S100A11: variants seen among roughly 807,000 people sequenced by gnomAD.
S100A11 encodes the protein S100 calcium binding protein A11.
A neutral mutation model predicts 7.4 loss-of-function variants in S100A11; 5 were observed. The ratio of observed to expected loss-of-function variants is 0.68; its 90% confidence interval spans 0.35 to 1.42. The LOEUF (loss-of-function observed/expected upper bound fraction) is 1.42, where lower values mean the gene tolerates loss of function less well. S100A11 is among the 40% of genes most tolerant of loss of function. The pLI, the probability that S100A11 is intolerant of heterozygous loss-of-function variation, is 0.04. For synonymous variants in S100A11, 47 were observed against 46.6 expected (o/e 1.01, Z -0.04); for missense variants, 96 against 125.0 (o/e 0.77, Z 1.11).
In S100A11 at chr1:152,033,723, C is replaced by A; in HGVS notation, c.81G>T (p.Lys27Asn). 6.2e-7 allele frequency: 1 copy of A among 1,613,246 alleles called. No homozygotes were observed. Among genetic ancestry groups the A allele is most frequent in the Non-Finnish European group, 8.5e-7 (1 of 1,179,220 alleles). ...LIAVFQKYAG[K>N]DGYNYTLSKT... ...TGGAGAGAGTGTAGTTATAACCATC[C>A]TTTCCAGCATACTTCTGGAAGACAG... Residue 27 changes from lysine to asparagine, a missense_variant, in exon 2 of 3, where the codon AAG (lysine) becomes AAT (asparagine). Transcript: ENST00000271638. The surrounding 1 kb of genome is among the most constrained non-coding windows in gnomAD (Gnocchi z 4.0).
At chr1:152,036,818 TAAGTCAAAGATA>T in intron 1 of S100A11, 83 bp downstream of exon 1, 3 of 1,135,492 alleles carry the variant, frequency 2.6e-6, no homozygotes, top group Non-Finnish European at 3.9e-6. Context: ...CGTCCACACA[TAAGTCAAAGATA>T]AAGTCTGCTG....
At chr1:152,032,854 ATCG>A in intron 2 of S100A11, 31 bp from the exon 3 acceptor site, 1 of 1,522,484 alleles carries the variant, frequency 6.6e-7, no homozygotes, top group Non-Finnish European at 9.1e-7. Flanking sequence ...ACACCTTTAT[ATCG>A]CATCTTCTAA....
chr1:152,035,727 A>T (rs1451458616), intron 1 of S100A11, among the ~76,000 whole-genome samples: 1 of 152,170 alleles, frequency 6.6e-6, no homozygotes, highest in Non-Finnish European at 1.5e-5. Context: ...CGCTCTCCAC[A>T]CCTCATGGCA....
intron 2 of S100A11, 34 bp from the exon 3 acceptor site, chr1:152,032,857 G>A (rs370971659): frequency 1.5e-5 from 23 of 1,499,462 alleles, no homozygotes; most frequent in South Asian, 1.1e-4. Flanking sequence ...CCTTTATATC[G>A]CATCTTCTAA....
chr1:152,033,456 A>G lies in S100A11; in HGVS notation c.156+192T>C, dbSNP rs1206100513. Among the ~76,000 whole-genome samples, 6 of 152,232 alleles carry G rather than the reference A, an allele frequency of 3.9e-5. No individual in the cohort carries two copies. The highest frequency in any genetic ancestry group is 1.4e-4 in the African/African-American group (6 of 41,464). On this transcript the variant is annotated intron_variant, in intron 2 of 2. Transcript: ENST00000271638. This position sits in a 1 kb window ranked among gnomAD's most constrained non-coding sequence, Gnocchi z 4.0. Reference sequence around the variant, plus strand: ...TGGGGTAGAATAATGAAATTTGAAAATAATTCCATTACGTCATATACCATT... The same window carrying G: ...TGGGGTAGAATAATGAAATTTGAAAGTAATTCCATTACGTCATATACCATT...
At chr1:152,034,387 C>T (rs915225732) in intron 1 of S100A11, among the ~76,000 whole-genome samples, 1 of 152,192 alleles carries the variant, frequency 6.6e-6, no homozygotes, top group Non-Finnish European at 1.5e-5. Flanking sequence ...AACCATTAAT[C>T]TTAGATGTGA....
chr1:152,034,449 G>A (rs1656795799), intron 1 of S100A11, among the ~76,000 whole-genome samples: 1 of 152,262 alleles, frequency 6.6e-6, no homozygotes, highest in Non-Finnish European at 1.5e-5. Context: ...CCTGGAATCT[G>A]GGCCTCCCAG....
rs1656847417 is a variant in S100A11, at chr1:152,036,969, CTG to C, written c.-56_-55del. 3 of 1,612,286 alleles carry C rather than the reference CTG, an allele frequency of 1.9e-6. No individual in the cohort carries two copies. In the Admixed American group the frequency reaches 5.0e-5, roughly 27 times the overall value. The stretch of plus-strand genomic sequence containing the variant: ...GTGGCTGGGAGCGGCGCTGAGAGCT[CTG>C]TGCGCGCGGCGTGCGGGTCTGGAGC... On this transcript the variant is annotated 5_prime_UTR_variant, in exon 1 of 3. Coordinates refer to ENST00000271638, the MANE Select transcript of S100A11 (RefSeq NM_005620.2).
chr1:152,036,552 T>A (rs1656832880), intron 1 of S100A11, among the ~76,000 whole-genome samples: 1 of 152,106 alleles, frequency 6.6e-6, no homozygotes, highest in Admixed American at 6.5e-5. Flanking sequence ...AACTTGCTCC[T>A]AGGCGTCTCT....
chr1:152,035,359 C>A (rs375979470), intron 1 of S100A11, among the ~76,000 whole-genome samples: 1 of 152,212 alleles, frequency 6.6e-6, no homozygotes, highest in Non-Finnish European at 1.5e-5. Context: ...ACTACAGATT[C>A]TCCCCCTGCC....
Position 152,033,548 on chromosome 1 carries a change from TG to T in S100A11, c.156+99del. On this transcript the variant is annotated intron_variant, in intron 2 of 2. Coordinates refer to ENST00000271638, the MANE Select transcript of S100A11 (RefSeq NM_005620.2). This position sits in a 1 kb window ranked among gnomAD's most constrained non-coding sequence, Gnocchi z 4.0. ...AGTGAGTTAAAATGAAGCAAGAGTGTGGGGTGTCAGTTGCTGCTCCTTCATT... is the reference window on the plus strand; with the variant it reads ...AGTGAGTTAAAATGAAGCAAGAGTGTGGGTGTCAGTTGCTGCTCCTTCATT... The T allele has an allele frequency of 9.3e-7, 1 of 1,070,906 alleles. No homozygotes were observed. The highest frequency in any genetic ancestry group is 1.4e-6 in the Non-Finnish European group (1 of 705,912). The allele number at this position is 1,070,906 out of a possible 1,614,324, so 66.3% of individuals were successfully genotyped here. A position where few individuals can be genotyped will look rare whatever the true frequency, so the allele number is the denominator to read the frequency against.
At position 152,033,821 on chromosome 1, in the gene S100A11, A is replaced by C. The variant is rs1367080137; in HGVS notation, c.4-21T>G. 6.2e-7 allele frequency: 1 copy of C among 1,612,074 alleles called. No homozygotes were observed. Among genetic ancestry groups the C allele is most frequent in the East Asian group, 2.2e-5 (1 of 44,866 alleles). ...TTTGCCTTTGGAGAAAAAAAATTGC[A>C]GGGCTCAGACAAGGGAAGATGTCAA... On this transcript the variant is annotated intron_variant, in intron 1 of 2. Coordinates refer to ENST00000271638, the MANE Select transcript of S100A11 (RefSeq NM_005620.2). This position sits in a 1 kb window ranked among gnomAD's most constrained non-coding sequence, Gnocchi z 4.0.
intron 2 of S100A11, 110 bp from the exon 3 acceptor site, chr1:152,032,933 T>A: frequency 1.2e-6 from 1 of 857,286 alleles, no homozygotes; most frequent in Non-Finnish European, 1.8e-6. Context: ...TAGGGATTAT[T>A]AATATTCCCA....
rs139439332 is a variant in S100A11, at chr1:152,036,911, A to G, written c.3+2T>C. 216 of 1,612,188 alleles carry G rather than the reference A, an allele frequency of 1.3e-4. No homozygotes were observed. The African/African-American group carries it at 2.2e-3, about 17-fold the overall frequency. ...AAGAAGAAGAAGAAAAGTGAGGCTTACCATGTTGGAGCTGAGCGAGGCGCG... is the reference window on the plus strand; with the variant it reads ...AAGAAGAAGAAGAAAAGTGAGGCTTGCCATGTTGGAGCTGAGCGAGGCGCG... On this transcript the variant is annotated splice_donor_variant, in intron 1 of 2. Coordinates refer to ENST00000271638, the MANE Select transcript of S100A11 (RefSeq NM_005620.2). LOFTEE classifies it high-confidence loss of function.
chr1:152,033,846 A>G lies in S100A11; in HGVS notation c.4-46T>C. On this transcript the variant is annotated intron_variant, in intron 1 of 2. Transcript: ENST00000271638. The surrounding 1 kb of genome is among the most constrained non-coding windows in gnomAD (Gnocchi z 4.0). The stretch of plus-strand genomic sequence containing the variant: ...AGGGCTCAGACAAGGGAAGATGTCA[A>G]GGCTGGATACTGGAGAAAACTCCAG... 1 of 1,568,736 alleles carries G rather than the reference A, an allele frequency of 6.4e-7. No homozygotes were observed. Among genetic ancestry groups the G allele is most frequent in the Non-Finnish European group, 8.8e-7 (1 of 1,139,744 alleles).
Position 152,033,873 on chromosome 1 carries a change from G to T in S100A11, c.4-73C>A. ...GCTGGATACTGGAGAAAACTCCAGGGACTCTTATTTCAGGTCAAAGCAGTT... is the reference window on the plus strand; with the variant it reads ...GCTGGATACTGGAGAAAACTCCAGGTACTCTTATTTCAGGTCAAAGCAGTT... On this transcript the variant is annotated intron_variant, in intron 1 of 2. Coordinates refer to ENST00000271638, the MANE Select transcript of S100A11 (RefSeq NM_005620.2). The surrounding 1 kb of genome is among the most constrained non-coding windows in gnomAD (Gnocchi z 4.0). 1.5e-6 allele frequency: 2 copies of T among 1,350,168 alleles called. No individual in the cohort carries two copies. The highest frequency in any genetic ancestry group is 2.1e-6 in the Non-Finnish European group (2 of 946,784). 83.6% of individuals were successfully genotyped at this position (1,350,168 alleles called of 1,614,324 possible).
intron 1 of S100A11, among the ~76,000 whole-genome samples, chr1:152,036,604 C>T (rs1157298561): frequency 6.6e-6 from 1 of 150,558 alleles, no homozygotes; most frequent in Non-Finnish European, 1.5e-5. Context: ...GAGGCAGTGA[C>T]CCACGACGGG....
chr1:152,036,529 G>GC (rs1460715195), intron 1 of S100A11, among the ~76,000 whole-genome samples: 1 of 152,112 alleles, frequency 6.6e-6, no homozygotes, highest in African/African-American at 2.4e-5. Context: ...CAGCTTTCCA[G>GC]CCCCCTGCCT....
rs374884225 is a variant in S100A11 at position 152,033,787 on chromosome 1, C to A, written c.17G>T (p.Ser6Ile). MAKISSPTETERCIES... is the reference protein window; with the variant it reads MAKISIPTETERCIES... ...GATGCACCGCTCAGTCTCTGTAGGG[C>A]TGGAGATTTTTGCCTTTGGAGAAAA... Residue 6 changes from serine (S) to isoleucine (I), a missense_variant, in exon 2 of 3, where the codon AGC (serine) becomes ATC (isoleucine). Transcript: ENST00000271638. This position sits in a 1 kb window ranked among gnomAD's most constrained non-coding sequence, Gnocchi z 4.0. 1 of 1,613,890 alleles carries A rather than the reference C, an allele frequency of 6.2e-7. No homozygotes were observed. The highest frequency in any genetic ancestry group is 1.3e-5 in the African/African-American group (1 of 74,898).
Sources: gnomAD v4.1 joint callset for allele counts (sites outside exome capture counted in the v4.1 genomes callset) on GRCh38, gnomAD v4.1.1 for gene constraint, Gnocchi (gnomAD v3.1) non-coding constraint, MANE v1.5 for transcripts, NCBI Gene and HGNC (gene_info 2026-07-23, HGNC 2026-07-21) for gene names.